Variants in CDH4 observed in about 807,000 individuals in gnomAD.
CDH4 encodes cadherin-4.
A neutral mutation model predicts 86.0 loss-of-function variants in CDH4; 33 were observed. That is an observed-to-expected ratio of 0.38 (90% confidence interval 0.29 to 0.51). CDH4 has a LOEUF of 0.51. Ranked by LOEUF, CDH4 falls within the 20% of genes least tolerant of loss-of-function variation. The probability of loss-of-function intolerance (pLI) is 0.86; values close to 1 mark genes in which losing one functional copy is unlikely to be tolerated. For synonymous variants in CDH4, 555 were observed against 549.4 expected, an observed-to-expected ratio of 1.01 and a Z score of -0.14; for missense variants, 1,114 against 1,307.4, an observed-to-expected ratio of 0.85 and a Z score of 2.28.
At chr20:61,756,831 C>T (rs1373188360) in intron 3 of CDH4, among the ~76,000 whole-genome samples, 2 of 152,166 alleles carry the variant, frequency 1.3e-5, no homozygotes. Flanking sequence ...CCCCAGGGCT[C>T]TCCACATGAG....
chr20:61,267,800 G>A (rs564722096), intron 2 of CDH4, among the ~76,000 whole-genome samples: 30 of 152,278 alleles, frequency 2.0e-4, no homozygotes, highest in South Asian at 4.1e-4. Context: ...ACTCTCTGGC[G>A]TTTTTAGAAC....
intron 2 of CDH4, among the ~76,000 whole-genome samples, chr20:61,652,934 A>ATTTTTTTTTTTTTTTTTTTTTTTTTTTTT (rs1378064808): frequency 1.9e-5 from 2 of 103,080 alleles, no homozygotes; most frequent in Non-Finnish European, 2.2e-5. Flanking sequence ...TTATTTATTT[A>ATTTTTTTTTTTTTTTTTTTTTTTTTTTTT]TTTATTTTTT....
Position 61,549,229 on chromosome 20 carries a change from G to A in CDH4, c.170-194334G>A, listed in dbSNP as rs564796022. 6.6e-5 allele frequency among the ~76,000 whole-genome samples: 10 copies of A among 152,284 alleles called. 1 individual carries two copies. The highest frequency in any genetic ancestry group is 5.8e-4 in the East Asian group (3 of 5,174). ...CAAGGTTGAACCAATAGCAATTGGCGTGAAATACGCAGTGACAGTCGCTGG... is the reference window on the plus strand; with the variant it reads ...CAAGGTTGAACCAATAGCAATTGGCATGAAATACGCAGTGACAGTCGCTGG... On this transcript the variant is annotated intron_variant, in intron 2 of 15. Transcript: ENST00000614565.
chr20:61,527,795 G>A (rs896230529), intron 2 of CDH4, among the ~76,000 whole-genome samples: 3 of 152,042 alleles, frequency 2.0e-5, no homozygotes, highest in South Asian at 2.1e-4. Context: ...GAGGCATCTC[G>A]GGTGGTGTCC....
intron 4 of CDH4, among the ~76,000 whole-genome samples, chr20:61,826,667 C>T (rs546795237): frequency 2.0e-5 from 3 of 152,310 alleles, no homozygotes; most frequent in Admixed American, 6.5e-5. Context: ...TGTTTGTTCT[C>T]GGGTGAATTA....
At chr20:61,914,527 A>G (rs1330242091) in intron 9 of CDH4, among the ~76,000 whole-genome samples, 1 of 152,114 alleles carries the variant, frequency 6.6e-6, no homozygotes, top group East Asian at 1.9e-4. Flanking sequence ...CCTGGAATCA[A>G]CGGAGATCGG....
intron 2 of CDH4, among the ~76,000 whole-genome samples, chr20:61,432,753 C>G (rs966514930): frequency 2.0e-5 from 3 of 151,628 alleles, no homozygotes; most frequent in African/African-American, 7.3e-5. Flanking sequence ...TATAGGAAAA[C>G]TTTTCCTACC....
chr20:61,399,480 C>A (rs57984446), intron 2 of CDH4, among the ~76,000 whole-genome samples: 69,373 of 151,102 alleles, frequency 0.46, 16,403 homozygotes, highest in African/African-American at 0.56. Context: ...TCAAACGTAC[C>A]CAAAGGTAGA....
chr20:61,565,116 G>GTCCTCT (rs2086260008), intron 2 of CDH4, among the ~76,000 whole-genome samples: 1 of 116,638 alleles, frequency 8.6e-6, no homozygotes, highest in Non-Finnish European at 1.9e-5. Flanking sequence ...GGTGGTGCTG[G>GTCCTCT]TGCTCTTGGT....
In CDH4 at chr20:61,936,825, G is replaced by A; in HGVS notation, c.2633G>A (p.Gly878Asp). ...FDYEGSGSTA[G>D]SVSSLNSSSS... ...TACGAGGGGAGCGGCTCCACCGCAG[G>A]CTCCGTCAGCTCCCTGAACTCATCC... Residue 878 changes from glycine to aspartate, a missense_variant, in exon 16 of 16, where the codon GGC becomes GAC. Physicochemically the swap from Gly to Asp is moderately conservative, Grantham distance 94 (BLOSUM62 -1). Around this residue, in one of 3 missense-constraint regions of CDH4, gnomAD observed 188 missense variants for 183.8 expected, o/e 1.02. Transcript: ENST00000614565. 6.2e-7 allele frequency: 1 copy of A among 1,610,756 alleles called. No homozygotes were observed. Among genetic ancestry groups the A allele is most frequent in the East Asian group, 2.3e-5 (1 of 44,436 alleles).
At chr20:61,545,545 T>C (rs987298603) in intron 2 of CDH4, among the ~76,000 whole-genome samples, 2 of 152,220 alleles carry the variant, frequency 1.3e-5, no homozygotes, top group Non-Finnish European at 2.9e-5. Flanking sequence ...CCCGTCCTCT[T>C]TCTTGGAAAA....
At chr20:61,329,013 G>T (rs983198375) in intron 2 of CDH4, among the ~76,000 whole-genome samples, 1 of 152,238 alleles carries the variant, frequency 6.6e-6, no homozygotes, top group East Asian at 1.9e-4. Flanking sequence ...AACCGTGCTC[G>T]GAACACTTGC....
intron 2 of CDH4, among the ~76,000 whole-genome samples, chr20:61,374,796 C>T (rs2084857703): frequency 6.6e-6 from 1 of 152,178 alleles, no homozygotes; most frequent in African/African-American, 2.4e-5. Flanking sequence ...ACCTCTCTGG[C>T]ATTAACATCA....
intron 2 of CDH4, among the ~76,000 whole-genome samples, chr20:61,514,124 G>A (rs1327296897): frequency 6.6e-6 from 1 of 152,214 alleles, no homozygotes; most frequent in Admixed American, 6.5e-5. Context: ...CTTGAAGTGA[G>A]GGCTGACAGG....
At chr20:61,460,823 G>A (rs1189447632) in intron 2 of CDH4, among the ~76,000 whole-genome samples, 1 of 152,194 alleles carries the variant, frequency 6.6e-6, no homozygotes, top group Non-Finnish European at 1.5e-5. Context: ...GTCATCCATG[G>A]GTGTATCTGG....
At chr20:61,536,048 C>T (rs982810916) in intron 2 of CDH4, among the ~76,000 whole-genome samples, 1 of 150,022 alleles carries the variant, frequency 6.7e-6, no homozygotes, top group African/African-American at 2.4e-5. Context: ...TTAGGAGTGC[C>T]CCCGGAGCCC....
chr20:61,296,151 T>G (rs976597504), intron 2 of CDH4, among the ~76,000 whole-genome samples: 1 of 152,074 alleles, frequency 6.6e-6, no homozygotes, highest in African/African-American at 2.4e-5. Context: ...TTGGATGTGC[T>G]GGAACTTTAG....
rs530814598 is a variant in CDH4 at position 61,854,135 on chromosome 20, T to C, written c.877+1237T>C. On this transcript the variant is annotated intron_variant, in intron 6 of 15. Transcript: ENST00000614565. ...TGACGGCTTCCAGGCTTTACAGAAG[T>C]TGGCAGTCCTGGGCAAATGGGAGGC... 1.3e-4 allele frequency among the ~76,000 whole-genome samples: 20 copies of C among 152,274 alleles called. 2 individuals are homozygous for C. In the South Asian group the frequency reaches 4.1e-3, roughly 32 times the overall value.
chr20:61,430,932 A>C (rs2145515307), intron 2 of CDH4, among the ~76,000 whole-genome samples: 1 of 152,366 alleles, frequency 6.6e-6, no homozygotes, highest in East Asian at 1.9e-4. Context: ...CCTGTGGAAC[A>C]GGGTGTCATC....
Sources: allele counts gnomAD v4.1 joint callset (sites outside exome capture counted in the v4.1 genomes callset), GRCh38; gene constraint gnomAD v4.1.1; regional missense constraint gnomAD v4.1.1; transcripts MANE v1.5; gene names NCBI Gene and HGNC (gene_info 2026-07-23, HGNC 2026-07-21).